The following SLC35F1 variants were observed in gnomAD, a reference collection of about 807,000 sequenced individuals.
SLC35F1 encodes solute carrier family 35 member F1, also known as chromosome 6 open reading frame 169.
In SLC35F1, 14 loss-of-function variants were observed where a neutral mutation model predicts 48.7. The ratio of observed to expected loss-of-function variants is 0.29; its 90% CI spans 0.19 to 0.45. The LOEUF is 0.45. Among genes scored for constraint, SLC35F1 ranks in the 20% least tolerant of loss-of-function variants. The pLI, the probability that SLC35F1 is intolerant of heterozygous loss-of-function variation, is 1.00. For synonymous variants in SLC35F1, 190 were observed against 202.2 expected (o/e 0.94, Z 0.51); for missense variants, 404 against 500.0 (o/e 0.81, Z 1.83).
At chr6:118,168,807 C>G (rs1003108955) in intron 2 of SLC35F1, among the ~76,000 whole-genome samples, 14 of 152,186 alleles carry the variant, frequency 9.2e-5, no homozygotes, top group African/African-American at 3.4e-4. Context: ...AAATTTCTAA[C>G]AAGTCCCATA....
chr6:118,276,417 A>T (rs564059221), intron 5 of SLC35F1, among the ~76,000 whole-genome samples: 3 of 152,206 alleles, frequency 2.0e-5, no homozygotes, highest in Non-Finnish European at 4.4e-5. Flanking sequence ...TTCTAATTGC[A>T]TGGGTTCAGT....
chr6:118,079,998 G>C (rs947631787), intron 1 of SLC35F1, among the ~76,000 whole-genome samples: 1 of 152,130 alleles, frequency 6.6e-6, no homozygotes, highest in East Asian at 1.9e-4. Flanking sequence ...ACTGTTCAAG[G>C]GGACTAGGAA....
intron 1 of SLC35F1, among the ~76,000 whole-genome samples, chr6:118,018,263 C>T (rs902298466): frequency 1.3e-5 from 2 of 151,714 alleles, no homozygotes; most frequent in Admixed American, 6.6e-5. Context: ...CCCAGCTACT[C>T]GGGAGGTTGA....
chr6:118,273,838 T>C (rs1044988180), intron 4 of SLC35F1, among the ~76,000 whole-genome samples: 2 of 152,162 alleles, frequency 1.3e-5, no homozygotes, highest in Non-Finnish European at 2.9e-5. Flanking sequence ...CTCAGCTCCA[T>C]TCCCTTGAGG....
At chr6:118,186,417 A>T (rs1346186906) in intron 2 of SLC35F1, among the ~76,000 whole-genome samples, 5 of 149,630 alleles carry the variant, frequency 3.3e-5, no homozygotes, top group East Asian at 4.0e-4. Flanking sequence ...GTTCCAGGGT[A>T]ACAAAGCATG....
At chr6:118,111,359 A>G (rs1308010472) in intron 1 of SLC35F1, among the ~76,000 whole-genome samples, 1 of 152,194 alleles carries the variant, frequency 6.6e-6, no homozygotes, top group Non-Finnish European at 1.5e-5. Context: ...TTAGGAGAAG[A>G]CATCTTACCT....
intron 1 of SLC35F1, among the ~76,000 whole-genome samples, chr6:118,152,547 A>T (rs1008351218): frequency 2.0e-5 from 3 of 152,108 alleles, no homozygotes; most frequent in African/African-American, 4.8e-5. Flanking sequence ...CAGAAGCCTC[A>T]CTCACTTGTC....
chr6:118,289,535 T>C (rs1471502876), intron 7 of SLC35F1, among the ~76,000 whole-genome samples: 1 of 152,194 alleles, frequency 6.6e-6, no homozygotes, highest in East Asian at 1.9e-4. Context: ...TTAGAGTGGA[T>C]GTATATTTTT....
At chr6:118,188,782 G>A (rs1474750685) in intron 2 of SLC35F1, among the ~76,000 whole-genome samples, 7 of 152,150 alleles carry the variant, frequency 4.6e-5, no homozygotes, top group Non-Finnish European at 8.8e-5. Context: ...GAACAAGAGA[G>A]TACAGATATC....
chr6:118,194,731 C>T (rs1171987999), intron 2 of SLC35F1, among the ~76,000 whole-genome samples: 5 of 152,096 alleles, frequency 3.3e-5, no homozygotes, highest in East Asian at 1.9e-4. Context: ...TTCCTTTAAC[C>T]GGTTTGCACA....
At chr6:117,998,454 C>A (rs1777034611) in intron 1 of SLC35F1, among the ~76,000 whole-genome samples, 1 of 152,142 alleles carries the variant, frequency 6.6e-6, no homozygotes, top group Non-Finnish European at 1.5e-5. Flanking sequence ...CTCTCCACCC[C>A]AAATCAACAG....
chr6:118,170,990 A>C lies in SLC35F1; in HGVS notation c.349+16370A>C, dbSNP rs1383686722. 4.6e-5 allele frequency among the ~76,000 whole-genome samples: 7 copies of C among 152,128 alleles called. No individual in the cohort carries two copies. The South Asian group carries it at 1.2e-3, about 27-fold the overall frequency. ...CATAATTATAATGTGTTTTTGTGTA[A>C]ATGCTAGAAACTAAACAAACTGTTC... On this transcript the variant is annotated intron_variant, in intron 2 of 7. Transcript: ENST00000360388.
intron 3 of SLC35F1, among the ~76,000 whole-genome samples, chr6:118,258,819 G>T (rs1033087636): frequency 3.3e-5 from 5 of 151,900 alleles, no homozygotes; most frequent in African/African-American, 1.2e-4. Context: ...TGAGAAGGTT[G>T]ACTGTAATAA....
intron 1 of SLC35F1, among the ~76,000 whole-genome samples, chr6:118,025,618 G>A (rs1777451868): frequency 6.6e-6 from 1 of 152,110 alleles, no homozygotes; most frequent in African/African-American, 2.4e-5. Flanking sequence ...TGAGAGATTT[G>A]TCTATTCTCC....
intron 2 of SLC35F1, among the ~76,000 whole-genome samples, chr6:118,171,148 T>C (rs1430100770): frequency 6.8e-6 from 1 of 146,922 alleles, no homozygotes; most frequent in African/African-American, 2.7e-5. Flanking sequence ...TAGATCCTCC[T>C]ACCTTAGCCT....
chr6:117,946,718 G>A (rs1776299296), intron 1 of SLC35F1, among the ~76,000 whole-genome samples: 1 of 152,182 alleles, frequency 6.6e-6, no homozygotes, highest in Non-Finnish European at 1.5e-5. Context: ...ATGAATTTCT[G>A]TAGAAAAACA....
At chr6:118,029,818 C>T (rs756017343) in intron 1 of SLC35F1, among the ~76,000 whole-genome samples, 7 of 152,082 alleles carry the variant, frequency 4.6e-5, no homozygotes, top group Middle Eastern at 3.2e-3. Flanking sequence ...CCCTTCACTA[C>T]GCTAATGTGA....
chr6:118,291,250 C>T (rs879825339), intron 7 of SLC35F1, among the ~76,000 whole-genome samples: 2,620 of 24,034 alleles, frequency 0.11, 35 homozygotes, highest in Non-Finnish European at 0.12. Flanking sequence ...TATACACACA[C>T]ACACACACAC....
intron 4 of SLC35F1, among the ~76,000 whole-genome samples, chr6:118,272,337 G>A (rs1400309334): frequency 3.9e-5 from 6 of 152,070 alleles, no homozygotes; most frequent in East Asian, 1.9e-4. Flanking sequence ...GAGAACTATC[G>A]GTTTGGGTAG....
Sources: gnomAD v4.1 joint callset for allele counts (sites outside exome capture counted in the v4.1 genomes callset) on GRCh38, gnomAD v4.1.1 for gene constraint, MANE v1.5 for transcripts, NCBI Gene and HGNC (gene_info 2026-07-23, HGNC 2026-07-21) for gene names.